The following HIP1 variants were observed in gnomAD, a reference collection of about 807,000 sequenced individuals.
The protein encoded by HIP1 is huntingtin-interacting protein 1.
HIP1 carries 65 observed loss-of-function variants against 147.6 expected under a neutral mutation model. The ratio of observed to expected loss-of-function variants is 0.44; its 90% CI spans 0.36 to 0.54. HIP1 has a LOEUF of 0.54. HIP1 is among the 20% of genes least tolerant of loss of function. HIP1 has a pLI of 0.00. For missense variants in HIP1, 1,061 were observed against 1,299.6 expected (o/e 0.82, Z 2.82); for synonymous variants, 479 against 504.0 (o/e 0.95, Z 0.67).
rs114796399 is a variant in HIP1 at position 75,627,799 on chromosome 7, C to T, written c.121-28552G>A. ...GAGTGTTCAGTGCTCTGTAGACCCT[C>T]TGGCTGACGGCTGGATCCACAGTTG... On this transcript the variant is annotated intron_variant, in intron 1 of 30. Coordinates refer to ENST00000336926, the MANE Select transcript of HIP1 (RefSeq NM_005338.7). 9.4e-3 allele frequency among the ~76,000 whole-genome samples: 1,434 copies of T among 152,310 alleles called. 31 individuals are homozygous for T. Among genetic ancestry groups the T allele is most frequent in the African/African-American group, 0.034 (1,401 of 41,564 alleles).
intron 25 of HIP1, among the ~76,000 whole-genome samples, chr7:75,546,436 G>A (rs1411248252): frequency 4.6e-5 from 7 of 152,160 alleles, no homozygotes; most frequent in Non-Finnish European, 1.0e-4. Flanking sequence ...CCCGAGCTGC[G>A]GCGGCATATG....
intron 4 of HIP1, 48 bp from the exon 5 acceptor site, chr7:75,586,881 G>A: frequency 1.8e-6 from 2 of 1,134,390 alleles, no homozygotes; most frequent in East Asian, 2.4e-5. Flanking sequence ...GAACATAACA[G>A]TCAAGAGATC....
intron 1 of HIP1, among the ~76,000 whole-genome samples, chr7:75,663,973 CACATATATGTGTATATATAT>C (rs1563278066): frequency 0.018 from 337 of 18,266 alleles, 112 homozygotes; most frequent in African/African-American, 0.088. Context: ...TATATATATA[CACATATATGTGTATATATAT>C]ACACATATAT....
rs368189777 is a variant in HIP1, at chr7:75,544,781, C to T, written c.2680G>A (p.Val894Ile). 16 of 1,611,638 alleles carry T rather than the reference C, an allele frequency of 9.9e-6. No individual in the cohort carries two copies. The highest frequency in any genetic ancestry group is 5.3e-5 in the African/African-American group (4 of 74,874). Residue 894 changes from valine to isoleucine, a missense_variant, in exon 27 of 31, where the codon GTA (valine) becomes ATA (isoleucine). By Grantham distance (29) the Val-to-Ile change is conservative. Around this residue, in one of 3 missense-constraint regions of HIP1, gnomAD observed 810 missense variants for 946.8 expected, o/e 0.86. Transcript: ENST00000336926. The part of the protein sequence containing the change: ...TVMVDAADLV[V>I]QGRGKFEELM... Reference sequence around the variant, plus strand: ...TCCTCAAATTTCCCTCTGCCTTGTACCACCAGATCAGCTGCATCCCTGATG... The same window carrying T: ...TCCTCAAATTTCCCTCTGCCTTGTATCACCAGATCAGCTGCATCCCTGATG...
At chr7:75,734,082 TA>T (rs1801930503) in intron 1 of HIP1, among the ~76,000 whole-genome samples, 2 of 151,716 alleles carry the variant, frequency 1.3e-5, no homozygotes, top group Non-Finnish European at 2.9e-5. Flanking sequence ...CTGTCTCTAC[TA>T]AAAATACAAA....
At chr7:75,591,375 A>T (rs1443524212) in intron 4 of HIP1, among the ~76,000 whole-genome samples, 50 of 152,024 alleles carry the variant, frequency 3.3e-4, no homozygotes, top group Admixed American at 3.3e-3. Flanking sequence ...CTCCATATAC[A>T]CACCCACGGA....
intron 4 of HIP1, among the ~76,000 whole-genome samples, chr7:75,589,740 T>G (rs587682398): frequency 4.7e-5 from 7 of 147,670 alleles, no homozygotes; most frequent in South Asian, 4.3e-4. Context: ...GTTTTTTTTG[T>G]TTTTTTTTGA....
intron 1 of HIP1, among the ~76,000 whole-genome samples, chr7:75,664,010 ATATATACACATATATGTG>A (rs1255819281): frequency 0.024 from 636 of 26,260 alleles, 174 homozygotes; most frequent in Non-Finnish European, 0.032. Flanking sequence ...ATATGTGTAT[ATATATACACATATATGTG>A]TATATATATA....
At chr7:75,711,948 G>A (rs532659658) in intron 1 of HIP1, among the ~76,000 whole-genome samples, 5 of 152,124 alleles carry the variant, frequency 3.3e-5, no homozygotes, top group African/African-American at 1.2e-4. Context: ...GGTGAGAAGC[G>A]CACACTCATC....
Position 75,664,456 on chromosome 7 carries a change from ATATG to A in HIP1, c.121-65213_121-65210del, listed in dbSNP as rs1392651427. Among the ~76,000 whole-genome samples the A allele has an allele frequency of 9.7e-5, 10 of 102,772 alleles. No individual in the cohort carries two copies. In the South Asian group the frequency reaches 1.5e-3, roughly 15 times the overall value. 67.4% of individuals were successfully genotyped at this position (102,772 alleles called of 152,430 possible). On this transcript the variant is annotated intron_variant, in intron 1 of 30. Coordinates refer to ENST00000336926, the MANE Select transcript of HIP1 (RefSeq NM_005338.7). ...CATATACATACATATATACACATAC[ATATG>A]TGTGTGTGTATACGTATACACACAT... is the stretch of plus-strand genomic sequence containing the variant.
At position 75,716,827 on chromosome 7, in the gene HIP1, G is replaced by C. The variant is rs868940286; in HGVS notation, c.120+21974C>G. On this transcript the variant is annotated intron_variant, in intron 1 of 30. Coordinates refer to ENST00000336926, the MANE Select transcript of HIP1 (RefSeq NM_005338.7). ...AACCACCACGCCCAGCTTTTTTTTA[G>C]GGGGGGGGAAAGGATCTCACTCTGT... Among the ~76,000 whole-genome samples the C allele has an allele frequency of 5.0e-3, 659 of 132,824 alleles. 1 individual carries two copies. The highest frequency in any genetic ancestry group is 0.021 in the African/African-American group (602 of 28,480). 87.1% of individuals were successfully genotyped at this position (132,824 alleles called of 152,430 possible). A position where few individuals can be genotyped will look rare whatever the true frequency, so the allele number is the denominator to read the frequency against.
chr7:75,538,570 C>CTTTTT (rs67030357), intron 30 of HIP1, among the ~76,000 whole-genome samples: 17 of 112,916 alleles, frequency 1.5e-4, no homozygotes, highest in African/African-American at 2.8e-4. Context: ...CTGATCCCTT[C>CTTTTT]TTTTTTTTTT....
At chr7:75,577,107 G>A (rs1795870505) in intron 7 of HIP1, among the ~76,000 whole-genome samples, 2 of 151,956 alleles carry the variant, frequency 1.3e-5, no homozygotes, top group South Asian at 4.2e-4. Flanking sequence ...TGAGGTGGAA[G>A]GATCACTTGA....
intron 1 of HIP1, among the ~76,000 whole-genome samples, chr7:75,613,590 G>T (rs998704384): frequency 6.6e-6 from 1 of 152,064 alleles, no homozygotes; most frequent in Non-Finnish European, 1.5e-5. Flanking sequence ...TATTTTCCAA[G>T]ACAAGCTACT....
chr7:75,635,577 C>CA (rs144914669), intron 1 of HIP1, among the ~76,000 whole-genome samples: 5,211 of 69,542 alleles, frequency 0.075, 232 homozygotes, highest in Middle Eastern at 0.1. Flanking sequence ...GACTCCATCT[C>CA]AAAAAAAAAA....
intron 1 of HIP1, among the ~76,000 whole-genome samples, chr7:75,647,203 TAAAAATACAAA>T: frequency 6.8e-5 from 2 of 29,264 alleles, no homozygotes; most frequent in Admixed American, 5.9e-4. Context: ...CCATCTCTAC[TAAAAATACAAA>T]AAAAAAAAAA....
rs1491555852 is a variant in HIP1 at position 75,595,255 on chromosome 7, C to CTTTTT, written c.185-2742_185-2741insAAAAA. 4.6e-3 allele frequency among the ~76,000 whole-genome samples: 311 copies of CTTTTT among 68,350 alleles called. 5 individuals carry two copies. The highest frequency in any genetic ancestry group is 0.014 in the African/African-American group (294 of 20,840). The allele number at this position is 68,350 out of a possible 152,430, so 44.8% of individuals were successfully genotyped here. ...TTCTTTCTTTCTTTCTTTCTTTCTT[C>CTTTTT]CTTCCTTCCTTCCTTCCTTCCTTCC... On this transcript the variant is annotated intron_variant, in intron 2 of 30. Transcript: ENST00000336926.
At chr7:75,585,715 C>A (rs1322464542) in intron 5 of HIP1, among the ~76,000 whole-genome samples, 3 of 151,986 alleles carry the variant, frequency 2.0e-5, no homozygotes, top group Non-Finnish European at 4.4e-5. Context: ...TATGTGCCCA[C>A]CCCTCTGCCT....
rs373231316 is a variant in HIP1 at position 75,547,747 on chromosome 7, A to T, written c.2465+8T>A. 1 of 1,612,294 alleles carries T rather than the reference A, an allele frequency of 6.2e-7. No homozygotes were observed. The highest frequency in any genetic ancestry group is 8.5e-7 in the Non-Finnish European group (1 of 1,178,472). On this transcript the variant is annotated splice_region_variant and intron_variant, in intron 24 of 30. Coordinates refer to ENST00000336926, the MANE Select transcript of HIP1 (RefSeq NM_005338.7). ...TCCCCTAGGTCCCACCATGCCGCTC[A>T]GACCGACCTTTCATTCACCTCCAAT...
Sources: gnomAD v4.1 joint callset for allele counts (sites outside exome capture counted in the v4.1 genomes callset) on GRCh38, gnomAD v4.1.1 for gene constraint, gnomAD v4.1.1 regional missense constraint, MANE v1.5 for transcripts, NCBI Gene and HGNC (gene_info 2026-07-23, HGNC 2026-07-21) for gene names.